The following MCM10 variants were observed in gnomAD, a reference collection of about 807,000 sequenced individuals.
MCM10 encodes the protein minichromosome maintenance 10 replication initiation factor, also known as protein MCM10 homolog.
MCM10 carries 91 observed loss-of-function variants against 109.9 expected under a neutral mutation model. The ratio of observed to expected loss-of-function variants is 0.83; its 90% CI spans 0.70 to 0.99. MCM10 has a LOEUF of 0.99. Among genes scored for constraint, MCM10 ranks in the 50% least tolerant of loss-of-function variants. MCM10 has a pLI of 0.00. For missense variants in MCM10, 1,077 were observed against 1,061.2 expected (o/e 1.01, Z -0.21); for synonymous variants, 380 against 387.2 (o/e 0.98, Z 0.22).
intron 18 of MCM10, among the ~76,000 whole-genome samples, chr10:13,205,354 C>T (rs1484532966): frequency 1.3e-5 from 2 of 152,104 alleles, no homozygotes; most frequent in Non-Finnish European, 2.9e-5. Context: ...CTGTAAAAGA[C>T]ATGACTTCAT....
chr10:13,175,130 A>T (rs1834123629), intron 5 of MCM10, among the ~76,000 whole-genome samples: 1 of 151,934 alleles, frequency 6.6e-6, no homozygotes, highest in African/African-American at 2.4e-5. Context: ...TCTCAAAAAA[A>T]AAAAGGAACA....
chr10:13,166,772 G>A (rs960013070), intron 2 of MCM10, among the ~76,000 whole-genome samples: 5 of 151,442 alleles, frequency 3.3e-5, no homozygotes, highest in South Asian at 2.1e-4. Context: ...CTGGGAAAGC[G>A]AATGAATTGA....
At position 13,204,672 on chromosome 10, in the gene MCM10, A is replaced by G. The variant is rs1834546987; in HGVS notation, c.2498+308A>G. 2.7e-5 allele frequency: 7 copies of G among 260,774 alleles called. No homozygotes were observed. The South Asian group carries it at 5.2e-4, about 19-fold the overall frequency. The allele number at this position is 260,774 out of a possible 1,614,324, so 16.2% of individuals were successfully genotyped here. On this transcript the variant is annotated intron_variant, in intron 18 of 19. Transcript: ENST00000378714. ...ATGTGTGTGTTTGTTGGGGGCTAGG[A>G]TGCACATAATATTTTTTTCCTCTCT... is the stretch of plus-strand genomic sequence containing the variant.
chr10:13,193,829 T>C (rs940495920), intron 13 of MCM10, among the ~76,000 whole-genome samples: 1 of 152,102 alleles, frequency 6.6e-6, no homozygotes, highest in Non-Finnish European at 1.5e-5. Context: ...AATGAAAATT[T>C]TCAGAATTTT....
At chr10:13,166,179 T>C (rs1165484506) in intron 2 of MCM10, among the ~76,000 whole-genome samples, 3 of 152,000 alleles carry the variant, frequency 2.0e-5, no homozygotes, top group African/African-American at 7.3e-5. Context: ...TAGAATGAAG[T>C]CTTTGAGAAG....
At chr10:13,175,428 C>A (rs1054128623) in intron 5 of MCM10, 82 bp from the exon 6 acceptor site, 67 of 1,241,888 alleles carry the variant, frequency 5.4e-5, no homozygotes, top group Non-Finnish European at 7.3e-5. Context: ...CTCAAAGGAA[C>A]AAATCCGTAA....
At chr10:13,173,864 C>G (rs377587165) in intron 5 of MCM10, among the ~76,000 whole-genome samples, 1 of 152,028 alleles carries the variant, frequency 6.6e-6, no homozygotes, top group East Asian at 1.9e-4. Flanking sequence ...ACCCTGGCCC[C>G]CAGTGTGAGA....
chr10:13,186,858 G>C (rs1283977277), intron 9 of MCM10, among the ~76,000 whole-genome samples: 5 of 152,126 alleles, frequency 3.3e-5, no homozygotes, highest in Admixed American at 3.3e-4. Flanking sequence ...CGGTCATGGT[G>C]GTGGGCGCCT....
intron 1 of MCM10, among the ~76,000 whole-genome samples, chr10:13,163,687 T>TTGTG (rs150847036): frequency 0.016 from 2,446 of 150,802 alleles, 29 homozygotes; most frequent in Non-Finnish European, 0.023. Context: ...CCCCAATAAT[T>TTGTG]TGTGTGTGTG....
At chr10:13,169,754 G>A (rs953998774) in intron 2 of MCM10, among the ~76,000 whole-genome samples, 4 of 152,238 alleles carry the variant, frequency 2.6e-5, no homozygotes, top group Non-Finnish European at 5.9e-5. Flanking sequence ...CACCCAGGCT[G>A]GAGTGCAGTG....
chr10:13,173,140 T>TA (rs1174907425), intron 5 of MCM10, among the ~76,000 whole-genome samples: 1 of 152,110 alleles, frequency 6.6e-6, no homozygotes, highest in Non-Finnish European at 1.5e-5. Context: ...AGGTTGAGGC[T>TA]AGAGTGAGCT....
At chr10:13,170,817 A>T in intron 2 of MCM10, 105 bp from the exon 3 acceptor site, 3 of 880,670 alleles carry the variant, frequency 3.4e-6, no homozygotes, top group Non-Finnish European at 5.3e-6. Flanking sequence ...CATTGTACCC[A>T]TTAGGTAGTT....
rs770936196 is a variant in MCM10, at chr10:13,172,475, C to G, written c.449C>G (p.Ser150Cys). ...QTASPARLQK[S>C]PEKSPRPPLK... ...GCAAGCCCAGCCCGTCTGCAAAAAT[C>G]CCCTGGTAAGAAGACTGTCATTCTG... The change falls in exon 4 of 20, where the codon TCC becomes TGC. Residue 150 changes from serine (S) to cysteine (C), a missense_variant. Coordinates refer to ENST00000378714, the MANE Select transcript of MCM10 (RefSeq NM_018518.5). This position sits in a 1 kb window ranked among gnomAD's most constrained non-coding sequence, Gnocchi z 5.2. 6.2e-7 allele frequency: 1 copy of G among 1,613,820 alleles called. No individual in the cohort carries two copies. Among genetic ancestry groups the G allele is most frequent in the Non-Finnish European group, 8.5e-7 (1 of 1,179,820 alleles).
intron 9 of MCM10, among the ~76,000 whole-genome samples, chr10:13,188,337 G>A (rs1422028922): frequency 1.3e-5 from 2 of 152,142 alleles, no homozygotes. Context: ...ACAATATACA[G>A]TTAATCATTT....
At chr10:13,169,741 T>C (rs556597273) in intron 2 of MCM10, among the ~76,000 whole-genome samples, 2 of 152,242 alleles carry the variant, frequency 1.3e-5, no homozygotes, top group African/African-American at 2.4e-5. Context: ...AGTCTCGCCC[T>C]GTCACCCAGG....
At chr10:13,194,329 C>T (rs770855103) in intron 13 of MCM10, among the ~76,000 whole-genome samples, 7 of 152,206 alleles carry the variant, frequency 4.6e-5, no homozygotes, top group Admixed American at 2.0e-4. Flanking sequence ...TGCCAACGCA[C>T]TCTAGTCTGG....
chr10:13,162,948 G>A (rs1442992187), intron 1 of MCM10, among the ~76,000 whole-genome samples: 2 of 151,988 alleles, frequency 1.3e-5, no homozygotes, highest in Non-Finnish European at 2.9e-5. Flanking sequence ...GCGTGGTGGC[G>A]GGCGCCTGTA....
intron 2 of MCM10, among the ~76,000 whole-genome samples, chr10:13,165,989 T>C (rs918994916): frequency 6.6e-6 from 1 of 152,008 alleles, no homozygotes; most frequent in African/African-American, 2.4e-5. Flanking sequence ...GACTGTATGG[T>C]ACTTGGGATA....
In MCM10 at chr10:13,209,547, T is replaced by C; in HGVS notation, c.*237T>C. ...TTGTCTTTTCTAAGCTCAGTGTGGA[T>C]GATTGCATTACTTCATTCACTGAAG... On this transcript the variant is annotated 3_prime_UTR_variant, in exon 20 of 20. Transcript: ENST00000378714. 1.8e-6 allele frequency: 1 copy of C among 558,920 alleles called. No homozygotes were observed. Among genetic ancestry groups the C allele is most frequent in the East Asian group, 3.0e-5 (1 of 33,478 alleles). The allele number at this position is 558,920 out of a possible 1,614,324, so 34.6% of individuals were successfully genotyped here.
Sources: allele counts gnomAD v4.1 joint callset (sites outside exome capture counted in the v4.1 genomes callset), GRCh38; gene constraint gnomAD v4.1.1; non-coding constraint Gnocchi (gnomAD v3.1); transcripts MANE v1.5; gene names NCBI Gene and HGNC (gene_info 2026-07-23, HGNC 2026-07-21).